The following LRP1 variants were observed in gnomAD, a reference collection of about 807,000 sequenced individuals.
LRP1 encodes prolow-density lipoprotein receptor-related protein 1.
Under a neutral mutation model 541.5 loss-of-function variants are expected in LRP1, and 51 were observed. That is an observed-to-expected ratio of 0.09 (90% CI 0.08 to 0.12). LRP1 has a LOEUF of 0.12. Ranked by LOEUF, LRP1 falls within the 10% of genes least tolerant of loss-of-function variation. The probability of loss-of-function intolerance (pLI) is 1.00; values close to 1 mark genes in which losing one functional copy is unlikely to be tolerated. For synonymous variants in LRP1, 2,219 were observed against 2,470.8 expected, an observed-to-expected ratio of 0.90 and a Z score of 3.02; for missense variants, 3,878 against 6,376.2, an observed-to-expected ratio of 0.61 and a Z score of 13.34.
chr12:57,192,605 A>G (rs2036436982), intron 44 of LRP1, among the ~76,000 whole-genome samples: 1 of 152,106 alleles, frequency 6.6e-6, no homozygotes, highest in Admixed American at 6.5e-5. Context: ...CTCAAAGCCC[A>G]CGGTGCCCTG....
intron 68 of LRP1, 107 bp downstream of exon 68, chr12:57,202,644 G>GT (rs1322080441): frequency 6.7e-5 from 58 of 860,856 alleles, no homozygotes; most frequent in Non-Finnish European, 9.7e-5. Context: ...ACCTCCCAGG[G>GT]TGGGGGCAGG....
At position 57,199,373 on chromosome 12, in the gene LRP1, G is replaced by A. The variant is rs535346504; in HGVS notation, c.9838G>A (p.Val3280Ile). 8.7e-6 allele frequency: 14 copies of A among 1,611,992 alleles called. No individual in the cohort carries two copies. The African/African-American group carries it at 1.7e-4, about 20-fold the overall frequency. Reference protein sequence around the residue: ...STLHRPMDLHVFHALRQPDVP... With the variant: ...STLHRPMDLHIFHALRQPDVP... ...GCTGCACCGGCCCATGGACCTGCAT[G>A]TCTTCCATGCCCTGCGCCAGCCAGA... The change falls in exon 61 of 89, where the codon GTC (valine) becomes ATC (isoleucine). Residue 3280 changes from valine (V) to isoleucine (I), a missense_variant. Around this residue, in one of 13 missense-constraint regions of LRP1, gnomAD observed 1,100 missense variants for 1,827.4 expected, o/e 0.60. Transcript: ENST00000243077.
At chr12:57,138,311 T>A in intron 1 of LRP1, 148 bp from the exon 2 acceptor site, 36 of 866,892 alleles carry the variant, frequency 4.2e-5, no homozygotes, top group African/African-American at 5.1e-5. Flanking sequence ...AGCCACCCCC[T>A]GACACCCCCA....
chr12:57,195,163 C>A, intron 51 of LRP1, 62 bp downstream of exon 51: 1 of 1,594,304 alleles, frequency 6.3e-7, no homozygotes, highest in South Asian at 1.1e-5. Context: ...CCACCCAACT[C>A]CACCCCACAC....
chr12:57,145,533 G>A (rs764271428), intron 6 of LRP1, 43 bp downstream of exon 6: 2 of 1,600,142 alleles, frequency 1.2e-6, no homozygotes, highest in Non-Finnish European at 8.5e-7. Context: ...GGAGGGTAGG[G>A]GAGACAGGGA....
intron 20 of LRP1, among the ~76,000 whole-genome samples, chr12:57,171,732 G>GC (rs879372300): frequency 6.6e-6 from 1 of 152,008 alleles, no homozygotes; most frequent in African/African-American, 2.4e-5. Flanking sequence ...TGAGATGAGA[G>GC]CATCAGCTGG....
At chr12:57,172,411 C>T (rs1367897490) in intron 20 of LRP1, among the ~76,000 whole-genome samples, 2 of 152,304 alleles carry the variant, frequency 1.3e-5, no homozygotes, top group Admixed American at 6.5e-5. Flanking sequence ...CCTCGTGATC[C>T]GCCCGCCTTG....
At chr12:57,169,107 G>C (rs372959220) in intron 19 of LRP1, 33 bp from the exon 20 acceptor site, 2 of 1,580,768 alleles carry the variant, frequency 1.3e-6, no homozygotes, top group Non-Finnish European at 1.7e-6. Context: ...ACCAACTCCC[G>C]CTTTGCCTCT....
At chr12:57,196,698 A>T (rs2036540520) in intron 55 of LRP1, among the ~76,000 whole-genome samples, 1 of 152,204 alleles carries the variant, frequency 6.6e-6, no homozygotes, top group African/African-American at 2.4e-5. Context: ...CAGGGAAGTG[A>T]GGGGACCAGC....
At chr12:57,191,040 C>A (rs770619514) in intron 43 of LRP1, 31 bp downstream of exon 43, 3 of 1,587,742 alleles carry the variant, frequency 1.9e-6, no homozygotes, top group Middle Eastern at 1.7e-4. Flanking sequence ...AGCTGGCGGG[C>A]GGCTGAGGGG....
At chr12:57,175,819 C>T in intron 23 of LRP1, 90 bp from the exon 24 acceptor site, 4 of 1,571,328 alleles carry the variant, frequency 2.5e-6, no homozygotes, top group Non-Finnish European at 3.5e-6. Context: ...GCCCCCAGTG[C>T]CCGGACCAGC....
At position 57,210,447 on chromosome 12, in the gene LRP1, C is replaced by T; in HGVS notation, c.12721C>T (p.Arg4241Cys). The T allele has an allele frequency of 1.3e-6, 2 of 1,552,240 alleles. No individual in the cohort carries two copies. Among genetic ancestry groups the T allele is most frequent in the Non-Finnish European group, 1.7e-6 (2 of 1,145,730 alleles). Residue 4241 changes from arginine to cysteine, a missense_variant, in exon 82 of 89, where the codon CGC becomes TGC. This residue lies in a region of LRP1 where 871 missense variants were observed against 1,212.4 expected (regional missense o/e 0.72). Transcript: ENST00000243077. The stretch of plus-strand genomic sequence containing the variant: ...ACTGGACCAGTGCTGGGAGCACTGT[C>T]GCAATGGGGGCACCTGTGCTGCCTC... ...CELDQCWEHC[R>C]NGGTCAASPS...
Position 57,156,374 on chromosome 12 carries a change from G to A in LRP1, c.1417+91G>A. 7.6e-7 allele frequency: 1 copy of A among 1,317,384 alleles called. No homozygotes were observed. The highest frequency in any genetic ancestry group is 1.4e-5 in the South Asian group (1 of 70,470). 81.6% of individuals were successfully genotyped at this position (1,317,384 alleles called of 1,614,324 possible). A position where few individuals can be genotyped will look rare whatever the true frequency, so the allele number is the denominator to read the frequency against. ...TCACAGCCCCTCTCTGGGCCCTCCTGTGGGGACCCTGGCTTCTTTCATGTC... is the reference window on the plus strand; with the variant it reads ...TCACAGCCCCTCTCTGGGCCCTCCTATGGGGACCCTGGCTTCTTTCATGTC... On this transcript the variant is annotated intron_variant, in intron 9 of 88. Transcript: ENST00000243077. The surrounding 1 kb of genome is among the most constrained non-coding windows in gnomAD (Gnocchi z 5.2).
At chr12:57,180,283 C>T (rs540937706) in intron 31 of LRP1, 47 bp from the exon 32 acceptor site, 16 of 1,607,456 alleles carry the variant, frequency 1.0e-5, no homozygotes, top group East Asian at 2.2e-5. Flanking sequence ...TTCCCTGGAT[C>T]CCCAGCCCTG....
chr12:57,134,509 T>A (rs2035112700), intron 1 of LRP1, among the ~76,000 whole-genome samples: 1 of 152,188 alleles, frequency 6.6e-6, no homozygotes, highest in African/African-American at 2.4e-5. Flanking sequence ...TGAAATGCAA[T>A]GGCGTGATCT....
In LRP1 at chr12:57,165,704, A is replaced by AT; in HGVS notation, c.2531-99dup. 8.1e-7 allele frequency: 1 copy of AT among 1,229,500 alleles called. No homozygotes were observed. The highest frequency in any genetic ancestry group is 1.1e-6 in the Non-Finnish European group (1 of 877,368). The allele number at this position is 1,229,500 out of a possible 1,614,324, so 76.2% of individuals were successfully genotyped here. A position where few individuals can be genotyped will look rare whatever the true frequency, so the allele number is the denominator to read the frequency against. The stretch of plus-strand genomic sequence containing the variant: ...GTACTAGAAAAAATTACTTTGTATT[A>AT]TTAAAAAATAGTAAAACAAACAAAA... On this transcript the variant is annotated intron_variant, in intron 15 of 88. Coordinates refer to ENST00000243077, the MANE Select transcript of LRP1 (RefSeq NM_002332.3). The surrounding 1 kb of genome is among the most constrained non-coding windows in gnomAD (Gnocchi z 4.5).
chr12:57,176,148 G>A, intron 24 of LRP1, 42 bp downstream of exon 24: 1 of 1,603,052 alleles, frequency 6.2e-7, no homozygotes, highest in African/African-American at 1.3e-5. Context: ...CACAGGCGGA[G>A]CGCTCAGGCG....
intron 20 of LRP1, among the ~76,000 whole-genome samples, chr12:57,170,486 C>T (rs1343561226): frequency 6.6e-6 from 1 of 151,270 alleles, no homozygotes; most frequent in Non-Finnish European, 1.5e-5. Flanking sequence ...CAAGACCAAC[C>T]TGGTTAACAT....
chr12:57,194,662 G>A lies in LRP1; in HGVS notation c.8154G>A (p.Glu2718=). 1 of 1,597,142 alleles carries A rather than the reference G, an allele frequency of 6.3e-7. No homozygotes were observed. The highest frequency in any genetic ancestry group is 8.5e-7 in the Non-Finnish European group (1 of 1,172,162). The change falls in exon 50 of 89, where the codon GAG becomes GAA. Residue 2718 remains glutamate, a synonymous_variant. Coordinates refer to ENST00000243077, the MANE Select transcript of LRP1 (RefSeq NM_002332.3). ...CCATGAGCTGGACGTGTGACAAAGA[G>A]GATGACTGTGAACATGGCGAGGACG... The part of the protein sequence containing the change: ...CIPMSWTCDK[E]DDCEHGEDET...
Sources: gnomAD v4.1 joint callset for allele counts (sites outside exome capture counted in the v4.1 genomes callset) on GRCh38, gnomAD v4.1.1 for gene constraint, gnomAD v4.1.1 regional missense constraint, Gnocchi (gnomAD v3.1) non-coding constraint, MANE v1.5 for transcripts, NCBI Gene and HGNC (gene_info 2026-07-23, HGNC 2026-07-21) for gene names.